PHKA1: variants seen among roughly 807,000 people sequenced by gnomAD.
The protein encoded by PHKA1 is phosphorylase b kinase regulatory subunit alpha, skeletal muscle isoform.
Under a neutral mutation model 110.2 loss-of-function variants are expected in PHKA1, and 60 were observed. The observed-to-expected ratio is 0.54, with a 90% CI of 0.44 to 0.68. PHKA1 has a LOEUF of 0.68. Ranked by LOEUF, PHKA1 falls within the 30% of genes least tolerant of loss-of-function variation. The pLI is 0.00. For missense variants in PHKA1, 801 were observed against 942.5 expected (o/e 0.85, Z 1.97); for synonymous variants, 316 against 333.6 (o/e 0.95, Z 0.58).
chrX:72,626,518 G>A (rs1556282974), intron 17 of PHKA1, among the ~76,000 whole-genome samples: 1 of 110,974 alleles, frequency 9.0e-6, no homozygotes, highest in African/African-American at 3.3e-5. Flanking sequence ...CCTCTAAGTA[G>A]GATGGGATTA....
intron 22 of PHKA1, 88 bp downstream of exon 22, chrX:72,610,940 T>TA: frequency 1.5e-6 from 1 of 663,401 alleles, no homozygotes; most frequent in Non-Finnish European, 2.4e-6. Flanking sequence ...GGTTAGAGGC[T>TA]ATGGTTGTTT....
chrX:72,655,533 T>C (rs1347367026), intron 10 of PHKA1, among the ~76,000 whole-genome samples: 3 of 112,885 alleles, frequency 2.7e-5, no homozygotes, highest in Non-Finnish European at 5.6e-5. Context: ...TATTCTTTAA[T>C]GAATGGGGAA....
chrX:72,712,814 C>T lies in PHKA1; in HGVS notation c.202G>A (p.Asp68Asn). 1 of 1,210,380 alleles carries T rather than the reference C, an allele frequency of 8.3e-7. No individual in the cohort carries two copies. The highest frequency in any genetic ancestry group is 1.7e-5 in the African/African-American group (1 of 57,663). ...TCATAGGCCTTTGCCTTATCCTCAT[C>T]CCGGTCTGCATTCTTCCGATAGGCC... is the stretch of plus-strand genomic sequence containing the variant. ...GLAYRKNADR[D>N]EDKAKAYELE... The change falls in exon 2 of 32, where the codon GAT becomes AAT. Residue 68 changes from aspartate (D) to asparagine (N), a missense_variant. Physicochemically the swap from Asp to Asn is conservative, Grantham distance 23. Coordinates refer to ENST00000373542, the MANE Select transcript of PHKA1 (RefSeq NM_002637.4).
At chrX:72,621,751 T>G (rs1192262036) in intron 18 of PHKA1, 1 of 746,946 alleles carries the variant, frequency 1.3e-6, no homozygotes, top group Non-Finnish European at 1.6e-6. Context: ...TGACAAAGAT[T>G]GTAACCTTGA....
chrX:72,693,946 C>T (rs2054073487), intron 4 of PHKA1, among the ~76,000 whole-genome samples: 1 of 112,022 alleles, frequency 8.9e-6, no homozygotes, highest in Non-Finnish European at 1.9e-5. Context: ...AAATGTTTCT[C>T]TACCTGCTGT....
intron 14 of PHKA1, among the ~76,000 whole-genome samples, chrX:72,640,495 T>C (rs1171655696): frequency 5.3e-5 from 6 of 112,474 alleles, no homozygotes; most frequent in Non-Finnish European, 1.1e-4. Flanking sequence ...TATCATATAC[T>C]GTTATTTTTC....
At chrX:72,614,250 C>G (rs141927923) in intron 21 of PHKA1, among the ~76,000 whole-genome samples, 2 of 109,765 alleles carry the variant, frequency 1.8e-5, no homozygotes, top group Non-Finnish European at 1.9e-5. Flanking sequence ...AAATAATATG[C>G]GTGTGTGATT....
At chrX:72,620,061 T>G (rs1409616188) in intron 19 of PHKA1, among the ~76,000 whole-genome samples, 1 of 112,248 alleles carries the variant, frequency 8.9e-6, no homozygotes, top group Non-Finnish European at 1.9e-5. Flanking sequence ...CCAATGTTCA[T>G]GTTTAATGTA....
At chrX:72,611,888 C>G (rs782339833) in intron 21 of PHKA1, among the ~76,000 whole-genome samples, 1 of 111,746 alleles carries the variant, frequency 8.9e-6, no homozygotes, top group Admixed American at 9.5e-5. Flanking sequence ...AAATATATAT[C>G]AGTATTGAAA....
intron 16 of PHKA1, among the ~76,000 whole-genome samples, chrX:72,628,600 T>G (rs868990400): frequency 1.0e-5 from 1 of 98,794 alleles, no homozygotes. Flanking sequence ...ATATATATTT[T>G]TTTTTTTCAA....
intron 14 of PHKA1, among the ~76,000 whole-genome samples, chrX:72,637,976 ATTTT>A (rs2053248538): frequency 1.8e-5 from 2 of 111,068 alleles, no homozygotes; most frequent in Admixed American, 1.9e-4. Context: ...ATTCTTAAGT[ATTTT>A]ATTCTTTTTG....
intron 2 of PHKA1, among the ~76,000 whole-genome samples, chrX:72,711,353 G>C (rs782378537): frequency 1.4e-3 from 152 of 111,898 alleles, no homozygotes; most frequent in Admixed American, 2.1e-3. Context: ...ACGTTGAGTA[G>C]GATGTAGGAT....
At chrX:72,668,457 A>T (rs2053639771) in intron 6 of PHKA1, among the ~76,000 whole-genome samples, 1 of 112,288 alleles carries the variant, frequency 8.9e-6, no homozygotes, top group South Asian at 3.7e-4. Flanking sequence ...CAAACAATGT[A>T]TTATCTTAAA....
chrX:72,714,229 A>C lies in PHKA1; in HGVS notation c.-349T>G. 5.2e-6 allele frequency: 1 copy of C among 190,952 alleles called. No homozygotes were observed. The allele number at this position is 190,952 out of a possible 1,213,427, so 15.7% of individuals were successfully genotyped here. A position where few individuals can be genotyped will look rare whatever the true frequency, so the allele number is the denominator to read the frequency against. On this transcript the variant is annotated 5_prime_UTR_variant, in exon 1 of 32. Transcript: ENST00000373542. ...ACCCCGGGAGACCGCCGCGGCCCAC[A>C]GCCTCCCGCCCGGCCGCCGCCAACA...
chrX:72,618,476 G>T (rs2052929199), intron 21 of PHKA1, among the ~76,000 whole-genome samples: 1 of 111,655 alleles, frequency 9.0e-6, no homozygotes, highest in African/African-American at 3.3e-5. Flanking sequence ...GCCAGGCATT[G>T]TATTAGAGAC....
intron 21 of PHKA1, 52 bp from the exon 22 acceptor site, chrX:72,611,236 T>C (rs782557182): frequency 9.9e-7 from 1 of 1,010,926 alleles, no homozygotes; most frequent in East Asian, 3.0e-5. Flanking sequence ...CTTCTGGCAA[T>C]CATCTTTTCT....
chrX:72,587,495 A>G (rs186942138), intron 29 of PHKA1, among the ~76,000 whole-genome samples: 2 of 112,001 alleles, frequency 1.8e-5, no homozygotes, highest in East Asian at 5.6e-4. Flanking sequence ...AATTGTAAAG[A>G]CTATCAATGC....
intron 6 of PHKA1, among the ~76,000 whole-genome samples, chrX:72,670,402 G>T (rs781871835): frequency 9.0e-6 from 1 of 111,430 alleles, no homozygotes; most frequent in African/African-American, 3.3e-5. Flanking sequence ...TGTCAATTTT[G>T]GCTTTTGTTG....
At chrX:72,644,632 G>C in intron 13 of PHKA1, 136 bp from the exon 14 acceptor site, 1 of 515,912 alleles carries the variant, frequency 1.9e-6, no homozygotes, top group South Asian at 3.0e-5. Context: ...GAGGAACTTT[G>C]ATAAAATAAG....
Sources: allele counts gnomAD v4.1 joint callset (sites outside exome capture counted in the v4.1 genomes callset), GRCh38; gene constraint gnomAD v4.1.1; transcripts MANE v1.5; gene names NCBI Gene and HGNC (gene_info 2026-07-23, HGNC 2026-07-21).